The following PARD3 variants were observed in gnomAD, a reference collection of about 807,000 sequenced individuals.
PARD3 encodes par-3 family cell polarity regulator.
In PARD3, 75 loss-of-function variants were observed where a neutral mutation model predicts 155.4. That is an observed-to-expected ratio of 0.48 (90% CI 0.40 to 0.58). The LOEUF (loss-of-function observed/expected upper bound fraction) is 0.58, where lower values mean the gene tolerates loss of function less well. PARD3 is among the 20% of genes least tolerant of loss of function. The pLI is 0.00. For synonymous variants in PARD3, 576 were observed against 610.5 expected, an observed-to-expected ratio of 0.94 and a Z score of 0.83; for missense variants, 1,642 against 1,721.7, an observed-to-expected ratio of 0.95 and a Z score of 0.82.
chr10:34,757,562 T>A (rs1193730112), intron 1 of PARD3, among the ~76,000 whole-genome samples: 1 of 151,888 alleles, frequency 6.6e-6, no homozygotes, highest in Admixed American at 6.6e-5. Flanking sequence ...TACAAAAAAA[T>A]TAGCCAGGCA....
At chr10:34,701,616 C>A (rs1433081082) in intron 1 of PARD3, among the ~76,000 whole-genome samples, 1 of 152,092 alleles carries the variant, frequency 6.6e-6, no homozygotes, top group African/African-American at 2.4e-5. Context: ...GGGAAGGGGC[C>A]AGGCACGGTA....
intron 22 of PARD3, among the ~76,000 whole-genome samples, chr10:34,216,473 A>G (rs753618184): frequency 1.3e-4 from 20 of 152,138 alleles, no homozygotes; most frequent in South Asian, 2.1e-4. Context: ...GGAGTCCCCA[A>G]TTTCACATAA....
In PARD3 at chr10:34,206,828, G is replaced by A. The variant is rs528747167; in HGVS notation, c.3419+62829C>T. On this transcript the variant is annotated intron_variant, in intron 22 of 24. Transcript: ENST00000374788. ...ACTGGTAGGTGTGTCTTATGGAGAGGTGCTCTCACCTCTTCTGTTTCAACC... is the reference window on the plus strand; with the variant it reads ...ACTGGTAGGTGTGTCTTATGGAGAGATGCTCTCACCTCTTCTGTTTCAACC... 1.2e-3 allele frequency among the ~76,000 whole-genome samples: 180 copies of A among 152,228 alleles called. 2 individuals are homozygous for A. The highest frequency in any genetic ancestry group is 3.9e-3 in the African/African-American group (164 of 41,534).
intron 22 of PARD3, 54 bp downstream of exon 22, chr10:34,269,603 A>C: frequency 6.3e-7 from 1 of 1,593,110 alleles, no homozygotes; most frequent in Non-Finnish European, 8.6e-7. Context: ...CCCCTGTCAG[A>C]AGCTGTATAA....
chr10:34,760,089 G>A (rs1321725801), intron 1 of PARD3, among the ~76,000 whole-genome samples: 1 of 152,154 alleles, frequency 6.6e-6, no homozygotes, highest in Non-Finnish European at 1.5e-5. Flanking sequence ...TAATCTCAAT[G>A]TGGGAGGCAG....
At chr10:34,442,797 G>T (rs2076535342) in intron 5 of PARD3, among the ~76,000 whole-genome samples, 1 of 152,234 alleles carries the variant, frequency 6.6e-6, no homozygotes, top group Admixed American at 6.5e-5. Flanking sequence ...CTTGAGCACA[G>T]AAGTTTGAAG....
At chr10:34,592,546 C>A (rs1458649798) in intron 2 of PARD3, among the ~76,000 whole-genome samples, 1 of 152,170 alleles carries the variant, frequency 6.6e-6, no homozygotes, top group Non-Finnish European at 1.5e-5. Context: ...GAGGCCAAGG[C>A]AGACAGATCA....
In PARD3 at chr10:34,757,190, C is replaced by T. The variant is rs189447760; in HGVS notation, c.120+57686G>A. Among the ~76,000 whole-genome samples, 479 of 152,278 alleles carry T rather than the reference C, an allele frequency of 3.1e-3. 1 individual carries two copies. The highest frequency in any genetic ancestry group is 4.4e-3 in the Non-Finnish European group (300 of 68,020). Reference sequence around the variant, plus strand: ...CTCACATCTAAAATACATATTTCCACAATATCTGCACAGGAGGTTCAAACA... The same window carrying T: ...CTCACATCTAAAATACATATTTCCATAATATCTGCACAGGAGGTTCAAACA... On this transcript the variant is annotated intron_variant, in intron 1 of 24. Coordinates refer to ENST00000374788, the MANE Select transcript of PARD3 (RefSeq NM_001184785.2).
intron 22 of PARD3, among the ~76,000 whole-genome samples, chr10:34,230,864 T>C (rs1336087128): frequency 2.4e-4 from 36 of 151,944 alleles, no homozygotes; most frequent in Non-Finnish European, 1.5e-5. Flanking sequence ...CTCATCTTTA[T>C]CAAAAAATTT....
chr10:34,229,081 C>G (rs984701692), intron 22 of PARD3, among the ~76,000 whole-genome samples: 1 of 152,042 alleles, frequency 6.6e-6, no homozygotes, highest in African/African-American at 2.4e-5. Context: ...CAACTGGGTC[C>G]CCTGTCCCTT....
rs544137842 is a variant in PARD3 at position 34,394,506 on chromosome 10, T to G, written c.890+4824A>C. On this transcript the variant is annotated intron_variant, in intron 7 of 24. Coordinates refer to ENST00000374788, the MANE Select transcript of PARD3 (RefSeq NM_001184785.2). ...ACACTCGGCTAACTTTTGTATTTTT[T>G]GCAGAGACAAGGTTTTGCCATGTTG... Among the ~76,000 whole-genome samples the G allele has an allele frequency of 3.3e-5, 5 of 152,236 alleles. No homozygotes were observed. In the East Asian group the frequency reaches 7.8e-4, roughly 24 times the overall value.
intron 2 of PARD3, among the ~76,000 whole-genome samples, chr10:34,636,931 AGTC>A (rs2092499019): frequency 1.3e-5 from 2 of 152,232 alleles, no homozygotes; most frequent in Admixed American, 1.3e-4. Flanking sequence ...ATGCCTACCG[AGTC>A]TTATCCATTC....
chr10:34,356,757 T>G (rs142501741), intron 14 of PARD3, among the ~76,000 whole-genome samples: 33 of 152,314 alleles, frequency 2.2e-4, no homozygotes, highest in African/African-American at 7.9e-4. Flanking sequence ...AAATCATGTC[T>G]TATACCTTAC....
intron 4 of PARD3, among the ~76,000 whole-genome samples, chr10:34,464,203 C>T (rs185430994): frequency 6.6e-6 from 1 of 151,854 alleles, no homozygotes; most frequent in Admixed American, 6.6e-5. Context: ...GTAAAGGAAT[C>T]TGTTGGTGTG....
intron 16 of PARD3, among the ~76,000 whole-genome samples, chr10:34,340,229 T>A (rs1405567655): frequency 6.6e-6 from 1 of 152,244 alleles, no homozygotes; most frequent in Non-Finnish European, 1.5e-5. Context: ...TACTGCTTTA[T>A]AATGCCCCAA....
At chr10:34,525,314 A>G (rs572586593) in intron 2 of PARD3, among the ~76,000 whole-genome samples, 2 of 152,364 alleles carry the variant, frequency 1.3e-5, no homozygotes, top group African/African-American at 4.8e-5. Context: ...AAAACTTAGA[A>G]AAGAACACTA....
At chr10:34,532,740 A>G (rs1290902716) in intron 2 of PARD3, among the ~76,000 whole-genome samples, 1 of 152,218 alleles carries the variant, frequency 6.6e-6, no homozygotes, top group Non-Finnish European at 1.5e-5. Flanking sequence ...TGACACTACA[A>G]AGTTACATAT....
chr10:34,344,993 A>AT (rs60880586), intron 15 of PARD3: 44 of 985,290 alleles, frequency 4.5e-5, no homozygotes, highest in Middle Eastern at 5.2e-4. Flanking sequence ...AACGTCTTTG[A>AT]TTTTTTTAGT....
intron 5 of PARD3, among the ~76,000 whole-genome samples, chr10:34,439,030 C>T (rs999959346): frequency 4.6e-5 from 7 of 152,128 alleles, no homozygotes; most frequent in African/African-American, 1.2e-4. Context: ...GAGACATTCA[C>T]GACTGTGAAG....
Sources: gnomAD v4.1 joint callset for allele counts (sites outside exome capture counted in the v4.1 genomes callset) on GRCh38, gnomAD v4.1.1 for gene constraint, MANE v1.5 for transcripts, NCBI Gene and HGNC (gene_info 2026-07-23, HGNC 2026-07-21) for gene names.